The following ASTN2 variants were observed in gnomAD, a reference collection of about 807,000 sequenced individuals.
The protein encoded by ASTN2 is astrotactin 2.
Under a neutral mutation model 139.8 loss-of-function variants are expected in ASTN2, and 54 were observed. The observed-to-expected ratio is 0.39, with a 90% CI of 0.31 to 0.48. ASTN2 has a LOEUF of 0.48. ASTN2 is among the 20% of genes least tolerant of loss of function. The probability of loss-of-function intolerance (pLI) is 0.95; values close to 1 mark genes in which losing one functional copy is unlikely to be tolerated. For missense variants in ASTN2, 1,565 were observed against 1,725.1 expected (o/e 0.91, Z 1.64); for synonymous variants, 756 against 719.5 (o/e 1.05, Z -0.81).
At chr9:116,740,696 A>T (rs1332478402) in intron 13 of ASTN2, among the ~76,000 whole-genome samples, 1 of 151,598 alleles carries the variant, frequency 6.6e-6, no homozygotes, top group Non-Finnish European at 1.5e-5. Context: ...AATTTTTTTT[A>T]GTAGAGATGG....
At chr9:117,055,697 G>C (rs957149457) in intron 5 of ASTN2, among the ~76,000 whole-genome samples, 6 of 152,156 alleles carry the variant, frequency 3.9e-5, no homozygotes, top group African/African-American at 9.7e-5. Context: ...GTACATGGAC[G>C]TGAACGAGCA....
At chr9:116,931,300 A>G (rs1834891009) in intron 10 of ASTN2, among the ~76,000 whole-genome samples, 1 of 152,040 alleles carries the variant, frequency 6.6e-6, no homozygotes, top group Non-Finnish European at 1.5e-5. Flanking sequence ...TGGTGGAGAC[A>G]TGGGTTGTGG....
At chr9:116,924,392 T>C (rs1380975432) in intron 10 of ASTN2, among the ~76,000 whole-genome samples, 2 of 135,060 alleles carry the variant, frequency 1.5e-5, no homozygotes, top group Non-Finnish European at 3.0e-5. Flanking sequence ...ATTGCACCAC[T>C]GAACTCCAGC....
At chr9:116,797,628 C>T (rs891950031) in intron 13 of ASTN2, among the ~76,000 whole-genome samples, 1 of 152,186 alleles carries the variant, frequency 6.6e-6, no homozygotes, top group Non-Finnish European at 1.5e-5. Flanking sequence ...TTGGGAATAG[C>T]CTTGAAAATC....
chr9:116,611,034 C>G (rs536670109), intron 19 of ASTN2: 1 of 152,236 alleles, frequency 6.6e-6, no homozygotes, highest in South Asian at 2.1e-4. Context: ...AATAGACCAT[C>G]TAGACCAAAA....
chr9:116,742,743 G>A (rs1299190309), intron 13 of ASTN2, among the ~76,000 whole-genome samples: 1 of 151,446 alleles, frequency 6.6e-6, no homozygotes, highest in East Asian at 1.9e-4. Flanking sequence ...AAGACTTCCT[G>A]GCCCCATAAA....
At chr9:117,106,027 A>G (rs1410590971) in intron 4 of ASTN2, among the ~76,000 whole-genome samples, 1 of 152,140 alleles carries the variant, frequency 6.6e-6, no homozygotes, top group Non-Finnish European at 1.5e-5. Context: ...TGGAAGCTAC[A>G]GTAGAGTAAG....
At chr9:116,767,153 T>TATAC (rs1554743642) in intron 13 of ASTN2, among the ~76,000 whole-genome samples, 2 of 150,540 alleles carry the variant, frequency 1.3e-5, no homozygotes, top group South Asian at 2.1e-4. Flanking sequence ...ATCCTACATA[T>TATAC]ACACACACAC....
chr9:117,005,225 C>T (rs1444377662), intron 7 of ASTN2, among the ~76,000 whole-genome samples: 3 of 147,720 alleles, frequency 2.0e-5, no homozygotes, highest in African/African-American at 7.4e-5. Context: ...GCTAGGACTA[C>T]AAGCATGTGC....
chr9:116,656,018 G>A (rs1022269742), intron 16 of ASTN2, among the ~76,000 whole-genome samples: 1 of 151,916 alleles, frequency 6.6e-6, no homozygotes, highest in Admixed American at 6.6e-5. Context: ...ATGAGCCACC[G>A]CACCTGACCT....
At chr9:117,004,052 G>A (rs1837285344) in intron 7 of ASTN2, among the ~76,000 whole-genome samples, 1 of 151,462 alleles carries the variant, frequency 6.6e-6, no homozygotes, top group Admixed American at 6.6e-5. Flanking sequence ...AAGAAGCTTG[G>A]CTGTCTGGTC....
chr9:116,446,666 T>C (rs747852550), intron 20 of ASTN2, among the ~76,000 whole-genome samples: 23 of 152,266 alleles, frequency 1.5e-4, no homozygotes, highest in Middle Eastern at 6.8e-3. Context: ...GGATGAGCTA[T>C]ACAGGAACCT....
At chr9:116,746,849 C>T (rs918798516) in intron 13 of ASTN2, among the ~76,000 whole-genome samples, 7 of 152,270 alleles carry the variant, frequency 4.6e-5, no homozygotes, top group East Asian at 3.9e-4. Flanking sequence ...GCAAGAACTA[C>T]GTCTGTCTTA....
chr9:117,125,030 C>T (rs952529262), intron 4 of ASTN2, among the ~76,000 whole-genome samples: 1 of 152,112 alleles, frequency 6.6e-6, no homozygotes, highest in East Asian at 1.9e-4. Flanking sequence ...CAAGACATTG[C>T]CATTATGGTA....
intron 11 of ASTN2, among the ~76,000 whole-genome samples, chr9:116,841,987 G>A (rs998291573): frequency 2.8e-4 from 43 of 152,218 alleles, no homozygotes; most frequent in Admixed American, 6.5e-5. Context: ...GCAAGAGTCT[G>A]ACTGAGCCCA....
intron 1 of ASTN2, among the ~76,000 whole-genome samples, chr9:117,295,521 C>A (rs929920591): frequency 1.3e-5 from 2 of 152,126 alleles, no homozygotes; most frequent in African/African-American, 4.8e-5. Flanking sequence ...TACTGAATCA[C>A]TGAGTTACAT....
chr9:116,751,233 T>C (rs1407124554), intron 13 of ASTN2, among the ~76,000 whole-genome samples: 1 of 152,238 alleles, frequency 6.6e-6, no homozygotes, highest in Non-Finnish European at 1.5e-5. Context: ...TGCATATAGA[T>C]AGCCTGTGTG....
intron 5 of ASTN2, among the ~76,000 whole-genome samples, chr9:117,079,243 C>A (rs1030894966): frequency 2.6e-5 from 4 of 152,054 alleles, no homozygotes; most frequent in African/African-American, 4.8e-5. Context: ...GTGGTCCTAG[C>A]TTCTTGGGGG....
chr9:116,562,477 C>A (rs1852963682), intron 19 of ASTN2, among the ~76,000 whole-genome samples: 1 of 151,932 alleles, frequency 6.6e-6, no homozygotes, highest in Admixed American at 6.6e-5. Context: ...TGGCTCACAT[C>A]TGTAATCCCA....
Sources: gnomAD v4.1 joint callset for allele counts (sites outside exome capture counted in the v4.1 genomes callset) on GRCh38, gnomAD v4.1.1 for gene constraint, MANE v1.5 for transcripts, NCBI Gene and HGNC (gene_info 2026-07-23, HGNC 2026-07-21) for gene names.